The following HDAC4 variants were observed in gnomAD, a reference collection of about 807,000 sequenced individuals.
HDAC4 encodes histone deacetylase 4.
A neutral mutation model predicts 135.1 loss-of-function variants in HDAC4; 16 were observed. The observed-to-expected ratio is 0.12, with a 90% CI of 0.08 to 0.18. The LOEUF is 0.18. HDAC4 is among the 10% of genes least tolerant of loss of function. The probability of loss-of-function intolerance (pLI) is 1.00; values close to 1 mark genes in which losing one functional copy is unlikely to be tolerated. For synonymous variants in HDAC4, 685 were observed against 653.4 expected (o/e 1.05, Z -0.74); for missense variants, 1,143 against 1,511.8 (o/e 0.76, Z 4.05).
intron 1 of HDAC4, among the ~76,000 whole-genome samples, chr2:239,384,635 C>A (rs1245816135): frequency 6.6e-6 from 1 of 151,884 alleles, no homozygotes; most frequent in South Asian, 2.1e-4. Flanking sequence ...GCAAAGGAAA[C>A]GGAAGAAAAG....
rs796552415 is a variant in HDAC4 at position 239,064,698 on chromosome 2, A to T, written c.3003+2024T>A. 3.3e-4 allele frequency among the ~76,000 whole-genome samples: 51 copies of T among 152,316 alleles called. 1 individual carries two copies. The highest frequency in any genetic ancestry group is 1.2e-3 in the African/African-American group (51 of 41,574). ...CCTGCTTCCCAGGGACAGACGGCAG[A>T]GGTGGTGGAGGTGGGAACTGGCTGT... On this transcript the variant is annotated intron_variant, in intron 24 of 26. Transcript: ENST00000543185.
intron 2 of HDAC4, among the ~76,000 whole-genome samples, chr2:239,279,406 A>G (rs2050578308): frequency 6.6e-6 from 1 of 152,224 alleles, no homozygotes; most frequent in Non-Finnish European, 1.5e-5. Flanking sequence ...TACTACATCC[A>G]TCTTACAGAC....
chr2:239,395,446 C>T (rs1263516364), intron 1 of HDAC4, among the ~76,000 whole-genome samples: 1 of 152,126 alleles, frequency 6.6e-6, no homozygotes, highest in East Asian at 1.9e-4. Context: ...AAACAAATGC[C>T]CCTAAATTCT....
chr2:239,366,852 C>T (rs1174839726), intron 1 of HDAC4, among the ~76,000 whole-genome samples: 1 of 136,874 alleles, frequency 7.3e-6, no homozygotes, highest in Non-Finnish European at 1.5e-5. Context: ...ACCCCCAGGG[C>T]AGGTGACAAA....
intron 3 of HDAC4, among the ~76,000 whole-genome samples, chr2:239,233,880 C>T (rs1419734114): frequency 1.3e-5 from 2 of 152,118 alleles, no homozygotes; most frequent in Non-Finnish European, 2.9e-5. Flanking sequence ...TGTTTCCACA[C>T]CTTCAAACAT....
At chr2:239,086,859 C>T (rs751221007) in intron 19 of HDAC4, among the ~76,000 whole-genome samples, 34 of 152,222 alleles carry the variant, frequency 2.2e-4, no homozygotes, top group South Asian at 2.1e-4. Context: ...CATGGGGAGA[C>T]GCTCTTTCTA....
chr2:239,260,264 A>G (rs2049279753), intron 2 of HDAC4, among the ~76,000 whole-genome samples: 1 of 152,206 alleles, frequency 6.6e-6, no homozygotes. Flanking sequence ...CATGGTGGGT[A>G]AGACCGTGGA....
Position 239,308,540 on chromosome 2 carries a change from C to T in HDAC4, c.22+44138G>A, listed in dbSNP as rs1288923518. Among the ~76,000 whole-genome samples, 3 of 152,184 alleles carry T rather than the reference C, an allele frequency of 2.0e-5. No individual in the cohort carries two copies. Among genetic ancestry groups the T allele is most frequent in the African/African-American group, 7.2e-5 (3 of 41,432 alleles). ...AGATATCGTTGGTGGAATACATAAC[C>T]TCCATCCACAGCCAGATACTGCTTC... is the stretch of plus-strand genomic sequence containing the variant. On this transcript the variant is annotated intron_variant, in intron 2 of 26. Coordinates refer to ENST00000543185, the MANE Select transcript of HDAC4 (RefSeq NM_001378414.1). This position sits in a 1 kb window ranked among gnomAD's most constrained non-coding sequence, Gnocchi z 4.2.
At chr2:239,108,252 G>GC (rs1266708306) in intron 14 of HDAC4, 69 bp from the exon 15 acceptor site, 6 of 1,542,094 alleles carry the variant, frequency 3.9e-6, no homozygotes, top group Non-Finnish European at 5.3e-6. Flanking sequence ...CTGGCAGGCT[G>GC]CCCCCGGGTG....
intron 12 of HDAC4, among the ~76,000 whole-genome samples, chr2:239,124,838 C>T (rs74449693): frequency 0.024 from 483 of 19,868 alleles, no homozygotes; most frequent in African/African-American, 0.028. Context: ...TGCTGGCGTG[C>T]GGCCGCGTTA....
rs922805788 is a variant in HDAC4, at chr2:239,088,418, A to G, written c.2389-804T>C. On this transcript the variant is annotated intron_variant, in intron 18 of 26. Coordinates refer to ENST00000543185, the MANE Select transcript of HDAC4 (RefSeq NM_001378414.1). ...AGGGCAGCCCATGAGGTGGCGGCAA[A>G]CGCTCTCAAGAGGCCCTGGCCTCCC... 1.3e-5 allele frequency among the ~76,000 whole-genome samples: 2 copies of G among 152,224 alleles called. 1 individual carries two copies. The highest frequency in any genetic ancestry group is 2.9e-5 in the Non-Finnish European group (2 of 68,048).
intron 2 of HDAC4, among the ~76,000 whole-genome samples, chr2:239,287,458 A>C (rs1478050518): frequency 6.6e-6 from 1 of 152,236 alleles, no homozygotes; most frequent in Non-Finnish European, 1.5e-5. Flanking sequence ...TCAAAGGTGT[A>C]CTGTTGACAC....
At chr2:239,125,308 CT>C (rs1472057540) in intron 12 of HDAC4, among the ~76,000 whole-genome samples, 2 of 152,164 alleles carry the variant, frequency 1.3e-5, no homozygotes, top group African/African-American at 4.8e-5. Flanking sequence ...TGTGTGGCCC[CT>C]CTCCCCACCC....
chr2:239,398,969 A>C (rs2126138082), intron 1 of HDAC4, among the ~76,000 whole-genome samples: 1 of 152,330 alleles, frequency 6.6e-6, no homozygotes, highest in African/African-American at 2.4e-5. Flanking sequence ...ATGGGATTTG[A>C]TCTCTAAAAT....
chr2:239,209,754 C>A (rs1321796569), intron 3 of HDAC4, among the ~76,000 whole-genome samples: 1 of 152,202 alleles, frequency 6.6e-6, no homozygotes. Context: ...CAGCAACTGA[C>A]AAAGGACCTG....
chr2:239,396,650 G>T (rs901298115), intron 1 of HDAC4, among the ~76,000 whole-genome samples: 1 of 152,198 alleles, frequency 6.6e-6, no homozygotes, highest in African/African-American at 2.4e-5. Context: ...AGCTTACACA[G>T]GCATAATGTG....
chr2:239,100,112 T>G (rs1298674463), intron 16 of HDAC4, among the ~76,000 whole-genome samples: 2 of 152,236 alleles, frequency 1.3e-5, no homozygotes, highest in Non-Finnish European at 2.9e-5. Flanking sequence ...CTGCTGTTTC[T>G]CCCTAAGAGG....
At chr2:239,332,677 AAAC>A (rs1267261470) in intron 2 of HDAC4, among the ~76,000 whole-genome samples, 5 of 152,064 alleles carry the variant, frequency 3.3e-5, no homozygotes, top group African/African-American at 7.2e-5. Context: ...TAATCAGTAA[AAAC>A]AACAACCCCA....
In HDAC4 at chr2:239,369,533, A is replaced by C. The variant is rs1338517274; in HGVS notation, c.-219-16615T>G. ...TTTATTGTTGCAATTGTTTACAAAAAGCATTTTTATTTTAATGTAAAAAGC... is the reference window on the plus strand; with the variant it reads ...TTTATTGTTGCAATTGTTTACAAAACGCATTTTTATTTTAATGTAAAAAGC... On this transcript the variant is annotated intron_variant, in intron 1 of 26. Coordinates refer to ENST00000543185, the MANE Select transcript of HDAC4 (RefSeq NM_001378414.1). Among the ~76,000 whole-genome samples the C allele has an allele frequency of 2.0e-5, 3 of 152,274 alleles. No individual in the cohort carries two copies. The East Asian group carries it at 5.8e-4, about 29-fold the overall frequency.
Sources: gnomAD v4.1 joint callset for allele counts (sites outside exome capture counted in the v4.1 genomes callset) on GRCh38, gnomAD v4.1.1 for gene constraint, Gnocchi (gnomAD v3.1) non-coding constraint, MANE v1.5 for transcripts, NCBI Gene and HGNC (gene_info 2026-07-23, HGNC 2026-07-21) for gene names.